The following DOCK2 variants were observed in gnomAD, a reference collection of about 807,000 sequenced individuals.
The protein encoded by DOCK2 is dedicator of cytokinesis 2.
A neutral mutation model predicts 248.9 loss-of-function variants in DOCK2; 87 were observed. That is an observed-to-expected ratio of 0.35 (90% CI 0.29 to 0.42). The LOEUF (loss-of-function observed/expected upper bound fraction) is 0.42, where lower values mean the gene tolerates loss of function less well. DOCK2 is among the 10% of genes least tolerant of loss of function. DOCK2 has a pLI of 1.00. For synonymous variants in DOCK2, 805 were observed against 821.6 expected, an observed-to-expected ratio of 0.98 and a Z score of 0.35; for missense variants, 1,747 against 2,300.2, an observed-to-expected ratio of 0.76 and a Z score of 4.92.
intron 27 of DOCK2, among the ~76,000 whole-genome samples, chr5:169,962,574 T>C (rs1252166553): frequency 6.6e-6 from 1 of 152,150 alleles, no homozygotes; most frequent in Admixed American, 6.5e-5. Context: ...TCTGCAAATA[T>C]GTGCTGAAAG....
chr5:170,057,361 C>T, intron 43 of DOCK2: 1 of 603,852 alleles, frequency 1.7e-6, no homozygotes, highest in Non-Finnish European at 3.0e-6. Flanking sequence ...TTAGTACTTA[C>T]TTGGCCTAAG....
chr5:170,060,950 A>C (rs1015575543), intron 44 of DOCK2, among the ~76,000 whole-genome samples: 2 of 152,130 alleles, frequency 1.3e-5, no homozygotes, highest in Non-Finnish European at 2.9e-5. Context: ...GAATCACTTG[A>C]ACCCGGGAGG....
chr5:169,820,014 C>T (rs557895567), intron 26 of DOCK2, among the ~76,000 whole-genome samples: 81 of 152,290 alleles, frequency 5.3e-4, no homozygotes, highest in Non-Finnish European at 9.1e-4. Context: ...CATGGAGCCT[C>T]GCTCGTTGCT....
At chr5:169,934,281 GGGA>G (rs1775887404) in intron 27 of DOCK2, among the ~76,000 whole-genome samples, 1 of 152,148 alleles carries the variant, frequency 6.6e-6, no homozygotes, top group East Asian at 1.9e-4. Flanking sequence ...GTATTTACCC[GGGA>G]AGACTTCTCT....
chr5:170,065,951 C>CTTTTTT (rs1757474941), intron 44 of DOCK2, among the ~76,000 whole-genome samples: 1 of 125,698 alleles, frequency 8.0e-6, no homozygotes, highest in African/African-American at 3.4e-5. Flanking sequence ...CAAATGAAAA[C>CTTTTTT]TGTTTTTTTT....
intron 23 of DOCK2, among the ~76,000 whole-genome samples, chr5:169,748,410 A>C (rs548658064): frequency 6.6e-6 from 1 of 152,220 alleles, no homozygotes; most frequent in African/African-American, 2.4e-5. Context: ...CAACCACCCG[A>C]CTTTCTAATT....
intron 26 of DOCK2, among the ~76,000 whole-genome samples, chr5:169,814,246 T>C (rs1767932345): frequency 6.6e-6 from 1 of 152,194 alleles, no homozygotes. Context: ...ATGTGCCTCC[T>C]GACACGATGC....
chr5:170,030,705 G>A (rs545933926), intron 34 of DOCK2, among the ~76,000 whole-genome samples: 2 of 152,308 alleles, frequency 1.3e-5, no homozygotes, highest in South Asian at 4.1e-4. Context: ...CAGTCAATTT[G>A]TATTACTTAC....
chr5:170,073,597 T>C (rs1057029788), intron 46 of DOCK2, among the ~76,000 whole-genome samples: 5 of 152,240 alleles, frequency 3.3e-5, no homozygotes, highest in Non-Finnish European at 7.3e-5. Context: ...TATAGTTCTT[T>C]AATTTCTCTC....
chr5:169,978,045 C>T (rs747177019), intron 27 of DOCK2, among the ~76,000 whole-genome samples: 1 of 152,206 alleles, frequency 6.6e-6, no homozygotes, highest in Non-Finnish European at 1.5e-5. Context: ...CTGAGCCTCC[C>T]TCGGCAAACT....
At chr5:169,896,313 G>T (rs900919048) in intron 27 of DOCK2, among the ~76,000 whole-genome samples, 3 of 152,212 alleles carry the variant, frequency 2.0e-5, no homozygotes, top group Non-Finnish European at 4.4e-5. Flanking sequence ...CCCATGTGGA[G>T]TGGCTGGGGG....
chr5:169,881,377 A>G, intron 27 of DOCK2: 1 of 1,551,398 alleles, frequency 6.4e-7, no homozygotes, highest in Non-Finnish European at 8.7e-7. Context: ...CCTGTATATG[A>G]TGCACGCCGT....
chr5:170,018,386 A>G (rs1460307805), intron 32 of DOCK2, among the ~76,000 whole-genome samples: 1 of 152,200 alleles, frequency 6.6e-6, no homozygotes, highest in Non-Finnish European at 1.5e-5. Context: ...GAATGCCAGG[A>G]GCCAGGGGAG....
intron 25 of DOCK2, among the ~76,000 whole-genome samples, chr5:169,796,345 G>C (rs1158684633): frequency 3.9e-5 from 6 of 152,178 alleles, no homozygotes; most frequent in African/African-American, 1.4e-4. Context: ...TGATTCTTTG[G>C]GTTCTCCTTC....
intron 26 of DOCK2, among the ~76,000 whole-genome samples, chr5:169,835,451 C>T (rs1244133600): frequency 6.6e-6 from 1 of 151,884 alleles, no homozygotes; most frequent in Non-Finnish European, 1.5e-5. Flanking sequence ...GACGGGGTTT[C>T]ACCATGTTGG....
Position 169,761,509 on chromosome 5 carries a change from C to T in DOCK2, c.2448-10C>T. ...CTTGCTCTACCAGCTCCTATTTTTCCTGCCCTCAGCCAACTCCTGTATGAG... is the reference window on the plus strand; with the variant it reads ...CTTGCTCTACCAGCTCCTATTTTTCTTGCCCTCAGCCAACTCCTGTATGAG... On this transcript the variant is annotated splice_polypyrimidine_tract_variant and intron_variant, in intron 24 of 51. Transcript: ENST00000520908. 1.2e-6 allele frequency: 2 copies of T among 1,612,378 alleles called. No homozygotes were observed. Among genetic ancestry groups the T allele is most frequent in the Non-Finnish European group, 1.7e-6 (2 of 1,178,666 alleles).
Position 169,704,588 on chromosome 5 carries a change from C to T in DOCK2, c.1383+2161C>T, listed in dbSNP as rs563886584. ...GTAAAAAGAAATAATAACCTCTTCT[C>T]GTGGGGTTGCAGGTTAAACAAAAGA... On this transcript the variant is annotated intron_variant, in intron 14 of 51. Coordinates refer to ENST00000520908, the MANE Select transcript of DOCK2 (RefSeq NM_004946.3). Among the ~76,000 whole-genome samples, 9 of 152,124 alleles carry T rather than the reference C, an allele frequency of 5.9e-5. No individual in the cohort carries two copies. In the South Asian group the frequency reaches 1.2e-3, roughly 21 times the overall value.
chr5:169,965,890 G>A (rs1331149887), intron 27 of DOCK2, among the ~76,000 whole-genome samples: 4 of 152,146 alleles, frequency 2.6e-5, no homozygotes, highest in Non-Finnish European at 5.9e-5. Flanking sequence ...CACCTTTGAC[G>A]TGGTTCCTGT....
intron 30 of DOCK2, among the ~76,000 whole-genome samples, chr5:170,007,176 G>A (rs199868319): frequency 2.6e-5 from 4 of 152,196 alleles, no homozygotes; most frequent in East Asian, 1.9e-4. Context: ...CTGCAAACAC[G>A]AATGAACGTC....
Sources: allele counts gnomAD v4.1 joint callset (sites outside exome capture counted in the v4.1 genomes callset), GRCh38; gene constraint gnomAD v4.1.1; transcripts MANE v1.5; gene names NCBI Gene and HGNC (gene_info 2026-07-23, HGNC 2026-07-21).